The following FAM227B variants were observed in gnomAD, a reference collection of about 807,000 sequenced individuals.
The protein encoded by FAM227B is family with sequence similarity 227 member B.
Under a neutral mutation model 73.8 loss-of-function variants are expected in FAM227B, and 88 were observed. The ratio of observed to expected loss-of-function variants is 1.19; its 90% CI spans 1.00 to 1.42. The LOEUF (loss-of-function observed/expected upper bound fraction) is 1.42, where lower values mean the gene tolerates loss of function less well. FAM227B is among the 40% of genes most tolerant of loss of function. FAM227B has a pLI of 0.00. For missense variants in FAM227B, 632 were observed against 590.9 expected (o/e 1.07, Z -0.72); for synonymous variants, 210 against 190.5 (o/e 1.10, Z -0.84).
chr15:49,483,101 TTTGCAA>T (rs752001138), intron 11 of FAM227B: 7 of 1,031,100 alleles, frequency 6.8e-6, no homozygotes, highest in Non-Finnish European at 1.1e-5. Flanking sequence ...TCGTGGATCA[TTTGCAA>T]AACTGAACGA....
intron 9 of FAM227B, among the ~76,000 whole-genome samples, chr15:49,556,798 C>T (rs2073745693): frequency 6.6e-6 from 1 of 152,160 alleles, no homozygotes; most frequent in African/African-American, 2.4e-5. Context: ...ATGGGTATTT[C>T]TGGTTGTGCT....
intron 11 of FAM227B, among the ~76,000 whole-genome samples, chr15:49,399,645 T>C (rs2047977533): frequency 1.3e-5 from 2 of 150,938 alleles, no homozygotes; most frequent in African/African-American, 2.4e-5. Context: ...AAAAAGCTTA[T>C]CCACCATGAT....
At chr15:49,473,513 A>G (rs897021942) in intron 11 of FAM227B, among the ~76,000 whole-genome samples, 2 of 152,178 alleles carry the variant, frequency 1.3e-5, no homozygotes, top group Non-Finnish European at 2.9e-5. Context: ...CTGGCAATAA[A>G]CACTCAGTAA....
intron 11 of FAM227B, among the ~76,000 whole-genome samples, chr15:49,492,585 T>C (rs2057215919): frequency 6.6e-6 from 1 of 151,904 alleles, no homozygotes; most frequent in Admixed American, 6.6e-5. Context: ...AAAAGAAAAA[T>C]GTTACTTTCT....
chr15:49,340,403 G>GCCCCCCCCCCCCC (rs373386438), intron 13 of FAM227B, among the ~76,000 whole-genome samples: 6 of 94,380 alleles, frequency 6.4e-5, no homozygotes, highest in East Asian at 4.5e-4. Flanking sequence ...GCAGTGCCCC[G>GCCCCCCCCCCCCC]CCCCCCCCCT....
chr15:49,466,245 T>C (rs2054256044), intron 11 of FAM227B, among the ~76,000 whole-genome samples: 1 of 152,226 alleles, frequency 6.6e-6, no homozygotes, highest in African/African-American at 2.4e-5. Flanking sequence ...ACTGGAAACC[T>C]GAAAATCTTT....
At chr15:49,412,397 G>T (rs1215614749) in intron 11 of FAM227B, among the ~76,000 whole-genome samples, 1 of 152,068 alleles carries the variant, frequency 6.6e-6, no homozygotes, top group Non-Finnish European at 1.5e-5. Context: ...TCTATGGAAA[G>T]AAGTATAGCT....
intron 14 of FAM227B, among the ~76,000 whole-genome samples, 159 bp downstream of exon 14, chr15:49,335,260 C>T (rs1009889301): frequency 2.5e-4 from 38 of 152,316 alleles, no homozygotes; most frequent in South Asian, 4.1e-4. Flanking sequence ...TTACAACATA[C>T]ACCCTTGACA....
intron 11 of FAM227B, among the ~76,000 whole-genome samples, chr15:49,381,756 C>T (rs1401053978): frequency 1.3e-5 from 2 of 152,116 alleles, no homozygotes; most frequent in South Asian, 2.1e-4. Flanking sequence ...TGTTTTTACA[C>T]GTGATATTAT....
intron 13 of FAM227B, among the ~76,000 whole-genome samples, chr15:49,354,555 G>A (rs1002883667): frequency 2.4e-4 from 36 of 152,184 alleles, no homozygotes; most frequent in African/African-American, 7.2e-4. Context: ...AAAAAACGGC[G>A]CACCACGAGA....
At chr15:49,452,887 A>C (rs1460571587) in intron 11 of FAM227B, among the ~76,000 whole-genome samples, 1 of 152,174 alleles carries the variant, frequency 6.6e-6, no homozygotes, top group East Asian at 1.9e-4. Flanking sequence ...AAGATGATAA[A>C]ACTAAATTTC....
At chr15:49,530,223 G>A (rs546011074) in intron 10 of FAM227B, among the ~76,000 whole-genome samples, 1 of 151,794 alleles carries the variant, frequency 6.6e-6, no homozygotes, top group South Asian at 2.1e-4. Flanking sequence ...AATTATCCAG[G>A]AGATTCACAC....
intron 11 of FAM227B, among the ~76,000 whole-genome samples, chr15:49,443,122 G>C (rs2051828782): frequency 6.6e-6 from 1 of 151,574 alleles, no homozygotes. Flanking sequence ...GAAGCTCCTT[G>C]TACTGGTCCA....
intron 15 of FAM227B, chr15:49,329,486 A>G: frequency 1.0e-6 from 1 of 985,308 alleles, no homozygotes; most frequent in Non-Finnish European, 1.2e-6. Context: ...ATTGGGCATC[A>G]CCATCTAGAA....
chr15:49,338,143 A>T (rs2040078671), intron 13 of FAM227B, among the ~76,000 whole-genome samples: 1 of 152,144 alleles, frequency 6.6e-6, no homozygotes, highest in Admixed American at 6.5e-5. Flanking sequence ...TAAGGTTAAT[A>T]TTGTTATGTG....
In FAM227B at chr15:49,516,471, C is replaced by T. The variant is rs570594654; in HGVS notation, c.875-8123G>A. 1.1e-4 allele frequency among the ~76,000 whole-genome samples: 17 copies of T among 152,014 alleles called. 1 individual carries two copies. The East Asian group carries it at 3.1e-3, about 28-fold the overall frequency. On this transcript the variant is annotated intron_variant, in intron 10 of 15. Transcript: ENST00000299338. ...TTAAAAATAGATTTTGGATTGGTGCCTACAACTTCTGATGGGTTCAGGAAA... is the reference window on the plus strand; with the variant it reads ...TTAAAAATAGATTTTGGATTGGTGCTTACAACTTCTGATGGGTTCAGGAAA...
intron 10 of FAM227B, among the ~76,000 whole-genome samples, chr15:49,537,153 T>C (rs991276451): frequency 2.0e-5 from 3 of 152,044 alleles, no homozygotes; most frequent in African/African-American, 4.8e-5. Context: ...GGAAAATATA[T>C]TGACAAATAA....
chr15:49,591,606 C>T (rs2076582408), intron 3 of FAM227B, among the ~76,000 whole-genome samples: 1 of 151,314 alleles, frequency 6.6e-6, no homozygotes, highest in African/African-American at 2.4e-5. Context: ...CTGCCTCAGC[C>T]TCCCAAGTAG....
At chr15:49,412,359 T>C (rs1371290237) in intron 11 of FAM227B, among the ~76,000 whole-genome samples, 1 of 152,112 alleles carries the variant, frequency 6.6e-6, no homozygotes, top group African/African-American at 2.4e-5. Context: ...TGAGCAACTC[T>C]ACTACTATGT....
Sources: allele counts gnomAD v4.1 joint callset (sites outside exome capture counted in the v4.1 genomes callset), GRCh38; gene constraint gnomAD v4.1.1; transcripts MANE v1.5; gene names NCBI Gene and HGNC (gene_info 2026-07-23, HGNC 2026-07-21).